TMLHE: variants seen among roughly 807,000 people sequenced by gnomAD.
TMLHE encodes the protein trimethyllysine hydroxylase, epsilon, also known as trimethyllysine dioxygenase, mitochondrial.
TMLHE carries 18 observed loss-of-function variants against 25.7 expected under a neutral mutation model. The observed-to-expected ratio is 0.70, with a 90% CI of 0.48 to 1.04. The LOEUF (loss-of-function observed/expected upper bound fraction) is 1.04. Ranked by LOEUF, TMLHE falls within the 50% of genes least tolerant of loss-of-function variation. The pLI is 0.00. For synonymous variants in TMLHE, 105 were observed against 97.0 expected (o/e 1.08, Z -0.49); for missense variants, 236 against 259.0 (o/e 0.91, Z 0.61).
At chrX:155,596,036 C>A (rs1188341995) in intron 1 of TMLHE, among the ~76,000 whole-genome samples, 1 of 111,730 alleles carries the variant, frequency 9.0e-6, no homozygotes, top group Non-Finnish European at 1.9e-5. Context: ...AAGAAAGATA[C>A]CATGAAGGAC....
intron 3 of TMLHE, among the ~76,000 whole-genome samples, chrX:155,521,848 CCAGGTGAGGCAATGCCTCGCCCTG>C (rs1557335787): frequency 2.4e-5 from 2 of 82,612 alleles, no homozygotes; most frequent in Admixed American, 1.4e-4. Flanking sequence ...CTTGCGCTTC[CCAGGTGAGGCAATGCCTCGCCCTG>C]CTTCGGCTCG....
chrX:155,600,833 G>A lies in TMLHE; in HGVS notation c.-2+11959C>T, dbSNP rs782473334. ...TAAACTGCGTGAATCTGGAATGTAC[G>A]CCCCAGCCCACACATGGATACTTTC... On this transcript the variant is annotated intron_variant, in intron 1 of 7. Transcript: ENST00000334398. 2.0e-3 allele frequency among the ~76,000 whole-genome samples: 229 copies of A among 111,853 alleles called. 1 individual carries two copies. Among genetic ancestry groups the A allele is most frequent in the African/African-American group, 7.2e-3 (221 of 30,769 alleles).
At chrX:155,564,539 C>T (rs1420809709) in intron 1 of TMLHE, among the ~76,000 whole-genome samples, 1 of 61,885 alleles carries the variant, frequency 1.6e-5, no homozygotes, top group African/African-American at 3.6e-5. Flanking sequence ...GGAATGGGCT[C>T]TCATTAGTAT....
In TMLHE at chrX:155,612,852, T is replaced by C. The variant is rs2067834395; in HGVS notation, c.-62A>G. The C allele has an allele frequency of 9.0e-6, 1 of 110,789 alleles. No individual in the cohort carries two copies. The highest frequency in any genetic ancestry group is 3.3e-5 in the African/African-American group (1 of 30,420). 9.1% of individuals were successfully genotyped at this position (110,789 alleles called of 1,213,427 possible). On this transcript the variant is annotated 5_prime_UTR_variant, in exon 1 of 8. Coordinates refer to ENST00000334398, the MANE Select transcript of TMLHE (RefSeq NM_018196.4). ...TGGGCAGAATTCCAAGCAAGGAGAG[T>C]CTCGGGAGGCAGCCTTTCACCCGCC...
chrX:155,592,811 T>C (rs1557346121), intron 1 of TMLHE, among the ~76,000 whole-genome samples: 1 of 112,248 alleles, frequency 8.9e-6, no homozygotes, highest in East Asian at 2.8e-4. Flanking sequence ...GCCAATGGCA[T>C]AGCCCACCCA....
intron 1 of TMLHE, among the ~76,000 whole-genome samples, chrX:155,583,535 T>C (rs2067645832): frequency 9.7e-6 from 1 of 103,386 alleles, no homozygotes; most frequent in African/African-American, 3.5e-5. Context: ...TCAAGCACTA[T>C]TCACAAAGGC....
chrX:155,600,062 T>C (rs10442506), intron 1 of TMLHE, among the ~76,000 whole-genome samples: 152 of 112,149 alleles, frequency 1.4e-3, no homozygotes, highest in African/African-American at 4.8e-3. Context: ...TTTTGTTACA[T>C]ATAAACATGG....
At chrX:155,603,521 T>C (rs5940540) in intron 1 of TMLHE, among the ~76,000 whole-genome samples, 2,874 of 111,564 alleles carry the variant, frequency 0.026, 41 homozygotes, top group South Asian at 0.043. Flanking sequence ...TCAATTTAAA[T>C]ACATATTACA....
At chrX:155,507,199 T>C (rs1484573969) in intron 5 of TMLHE, 65 bp from the exon 6 acceptor site, 8 of 721,283 alleles carry the variant, frequency 1.1e-5, no homozygotes, top group Non-Finnish European at 1.7e-5. Flanking sequence ...TTCTAGAAAT[T>C]ATATATAAAA....
At chrX:155,505,590 G>A (rs1190287279) in intron 6 of TMLHE, among the ~76,000 whole-genome samples, 1 of 111,601 alleles carries the variant, frequency 9.0e-6, no homozygotes, top group African/African-American at 3.2e-5. Context: ...TGATTACAAA[G>A]CCTGTACTCT....
intron 1 of TMLHE, among the ~76,000 whole-genome samples, chrX:155,547,334 C>T (rs1407938502): frequency 1.1e-4 from 12 of 106,407 alleles, no homozygotes; most frequent in Admixed American, 2.0e-4. Flanking sequence ...TTAGTAGAGA[C>T]GGGGTTTCAC....
intron 2 of TMLHE, among the ~76,000 whole-genome samples, chrX:155,541,839 TCTG>T (rs1296831416): frequency 8.9e-6 from 1 of 111,919 alleles, no homozygotes; most frequent in African/African-American, 3.2e-5. Flanking sequence ...TGCATAAATG[TCTG>T]CTTTTGAGAA....
intron 1 of TMLHE, among the ~76,000 whole-genome samples, chrX:155,583,349 CA>C (rs1410815960): frequency 9.0e-6 from 1 of 110,948 alleles, no homozygotes; most frequent in African/African-American, 3.3e-5. Context: ...GAAAGACCAT[CA>C]AAAAAATAAA....
At chrX:155,583,334 A>G (rs1447204714) in intron 1 of TMLHE, among the ~76,000 whole-genome samples, 1 of 111,756 alleles carries the variant, frequency 8.9e-6, no homozygotes, top group Non-Finnish European at 1.9e-5. Context: ...AAAAAAAGAA[A>G]AGAAGAAAGA....
chrX:155,510,968 T>A (rs2067108129), intron 5 of TMLHE, among the ~76,000 whole-genome samples: 1 of 110,480 alleles, frequency 9.1e-6, no homozygotes, highest in Admixed American at 9.7e-5. Flanking sequence ...GGTATCTCAT[T>A]GTGGTTTTGA....
chrX:155,605,083 T>C (rs2067779044), intron 1 of TMLHE, among the ~76,000 whole-genome samples: 1 of 111,855 alleles, frequency 8.9e-6, no homozygotes, highest in South Asian at 3.7e-4. Flanking sequence ...ATGGCAGATA[T>C]AGAATTCAGA....
At chrX:155,547,793 A>G (rs1421402043) in intron 1 of TMLHE, among the ~76,000 whole-genome samples, 3 of 111,254 alleles carry the variant, frequency 2.7e-5, no homozygotes, top group Non-Finnish European at 5.7e-5. Context: ...AATAATAAGT[A>G]AAAGCCTCTT....
chrX:155,557,438 T>C (rs1248416132), intron 1 of TMLHE, among the ~76,000 whole-genome samples: 1 of 112,271 alleles, frequency 8.9e-6, no homozygotes, highest in African/African-American at 3.2e-5. Context: ...GGATGTTGTT[T>C]TAAACCACTA....
chrX:155,547,023 C>G (rs1240909030), intron 1 of TMLHE, among the ~76,000 whole-genome samples: 8 of 111,545 alleles, frequency 7.2e-5, no homozygotes, highest in Non-Finnish European at 1.3e-4. Context: ...TTTCCAACTC[C>G]TAGTCAAATA....
Sources: allele counts gnomAD v4.1 joint callset (sites outside exome capture counted in the v4.1 genomes callset), GRCh38; gene constraint gnomAD v4.1.1; transcripts MANE v1.5; gene names NCBI Gene and HGNC (gene_info 2026-07-23, HGNC 2026-07-21).